The following ABCA9 variants were observed in gnomAD, a reference collection of about 807,000 sequenced individuals.
ABCA9 encodes ATP-binding cassette sub-family A member 9.
ABCA9 carries 183 observed loss-of-function variants against 205.3 expected under a neutral mutation model. The ratio of observed to expected loss-of-function variants is 0.89; its 90% CI spans 0.79 to 1.01. ABCA9 has a LOEUF of 1.01. Among genes scored for constraint, ABCA9 ranks in the 50% least tolerant of loss-of-function variants. The pLI, the probability that ABCA9 is intolerant of heterozygous loss-of-function variation, is 0.00. For synonymous variants in ABCA9, 651 were observed against 683.3 expected (o/e 0.95, Z 0.74); for missense variants, 1,805 against 1,912.4 (o/e 0.94, Z 1.05).
rs780236589 is a variant in ABCA9 at position 68,982,549 on chromosome 17, C to G, written c.4720+13G>C. The G allele has an allele frequency of 7.5e-6, 12 of 1,606,228 alleles. No homozygotes were observed. The highest frequency in any genetic ancestry group is 6.7e-5 in the Admixed American group (4 of 59,960). ...TGTTTCCCAGAGTTTTGTCTCTAAACAGTCACTCTTACCTATCTCTAATTT... is the reference window on the plus strand; with the variant it reads ...TGTTTCCCAGAGTTTTGTCTCTAAAGAGTCACTCTTACCTATCTCTAATTT... On this transcript the variant is annotated intron_variant, in intron 37 of 38. Coordinates refer to ENST00000340001, the MANE Select transcript of ABCA9 (RefSeq NM_080283.4).
chr17:69,045,392 A>T, intron 3 of ABCA9, 56 bp from the exon 4 acceptor site: 6 of 1,523,252 alleles, frequency 3.9e-6, no homozygotes, highest in Non-Finnish European at 5.3e-6. Flanking sequence ...CTACCTGGCC[A>T]TATTCAATTA....
chr17:68,984,981 T>C lies in ABCA9; in HGVS notation c.4285-2A>G, dbSNP rs531633502. The C allele has an allele frequency of 6.2e-7, 1 of 1,614,176 alleles. No individual in the cohort carries two copies. The highest frequency in any genetic ancestry group is 1.1e-5 in the South Asian group (1 of 91,086). ...CAGGATGCTCAGCACAAAGCACAGC[T>C]GCAACGGGAGGAACAGCCCCTCTGG... On this transcript the variant is annotated splice_acceptor_variant, in intron 33 of 38. Coordinates refer to ENST00000340001, the MANE Select transcript of ABCA9 (RefSeq NM_080283.4). LOFTEE classifies it high-confidence loss of function.
At chr17:68,999,354 C>T (rs551967729) in intron 25 of ABCA9, among the ~76,000 whole-genome samples, 1 of 137,496 alleles carries the variant, frequency 7.3e-6, no homozygotes, top group South Asian at 2.5e-4. Context: ...TCAATTCCCA[C>T]CTATGAGTGA....
chr17:68,982,425 C>G (rs1192368447), intron 37 of ABCA9, 137 bp downstream of exon 37: 5 of 686,832 alleles, frequency 7.3e-6, no homozygotes, highest in Non-Finnish European at 1.2e-5. Context: ...TGGAAAAACA[C>G]TGGATTAGCA....
chr17:69,018,401 C>T lies in ABCA9; in HGVS notation c.2767+12G>A, dbSNP rs773374866. On this transcript the variant is annotated intron_variant, in intron 20 of 38. Transcript: ENST00000340001. ...ACAACATTTAACAGCTGCATTTCAG[C>T]CCCATGTTCACCTGTCTTATTGATG... is the stretch of plus-strand genomic sequence containing the variant. 1 of 1,520,312 alleles carries T rather than the reference C, an allele frequency of 6.6e-7. No homozygotes were observed. Among genetic ancestry groups the T allele is most frequent in the Non-Finnish European group, 8.8e-7 (1 of 1,139,372 alleles). The allele number at this position is 1,520,312 out of a possible 1,614,324, so 94.2% of individuals were successfully genotyped here. A position where few individuals can be genotyped will look rare whatever the true frequency, so the allele number is the denominator to read the frequency against.
rs184244350 is a variant in ABCA9, at chr17:69,021,203, A to G, written c.2401+539T>C. 1.3e-3 allele frequency among the ~76,000 whole-genome samples: 200 copies of G among 152,226 alleles called. 1 individual carries two copies. Among genetic ancestry groups the G allele is most frequent in the Non-Finnish European group, 1.9e-4 (13 of 67,986 alleles). On this transcript the variant is annotated intron_variant, in intron 18 of 38. Transcript: ENST00000340001. ...TTAAAGAAAAATGCTTGATCAATCC[A>G]AAAAGACCCCCAGAAAATTGCAAAA...
intron 21 of ABCA9, 90 bp from the exon 22 acceptor site, chr17:69,016,480 GATAAT>G (rs938129899): frequency 1.3e-5 from 16 of 1,208,004 alleles, no homozygotes; most frequent in African/African-American, 6.3e-5. Context: ...TCAAGTTACT[GATAAT>G]ATAATAAGTC....
chr17:69,058,215 A>G (rs2072128912), intron 1 of ABCA9, among the ~76,000 whole-genome samples: 1 of 152,172 alleles, frequency 6.6e-6, no homozygotes, highest in African/African-American at 2.4e-5. Context: ...GTGTTTTCAC[A>G]TCAATGGTAT....
chr17:69,013,843 G>T (rs1227468508), intron 22 of ABCA9, among the ~76,000 whole-genome samples: 1 of 151,934 alleles, frequency 6.6e-6, no homozygotes, highest in Non-Finnish European at 1.5e-5. Context: ...TTTACTTTAG[G>T]ATCAAGTGGA....
the ABCA9 span, among the ~76,000 whole-genome samples, chr17:69,066,263 A>G: frequency 1.3e-5 from 2 of 152,186 alleles, no homozygotes; most frequent in South Asian, 4.1e-4. Context: ...AGGGTACAAA[A>G]TCATCACCGC....
chr17:68,984,274 G>A, intron 34 of ABCA9, 99 bp from the exon 35 acceptor site: 1 of 1,527,536 alleles, frequency 6.5e-7, no homozygotes, highest in South Asian at 1.3e-5. Context: ...GAAACATGCA[G>A]CGAATTCAGA....
chr17:69,033,948 A>G, intron 8 of ABCA9, 75 bp from the exon 9 acceptor site: 1 of 1,246,824 alleles, frequency 8.0e-7, no homozygotes, highest in South Asian at 1.4e-5. Context: ...TATTTCTGCT[A>G]CAACTGGGTT....
At chr17:69,035,157 G>T in intron 8 of ABCA9, 89 bp downstream of exon 8, 1 of 1,107,756 alleles carries the variant, frequency 9.0e-7, no homozygotes. Flanking sequence ...GTTATAGAAT[G>T]GAATGCTTAG....
intron 20 of ABCA9, 71 bp downstream of exon 20, chr17:69,018,342 G>C: frequency 7.6e-7 from 1 of 1,308,688 alleles, no homozygotes; most frequent in Non-Finnish European, 1.0e-6. Context: ...TTTCTTGGCT[G>C]TTCATGTTTT....
intron 6 of ABCA9, among the ~76,000 whole-genome samples, chr17:69,036,785 G>A (rs916708706): frequency 2.8e-5 from 4 of 142,194 alleles, no homozygotes; most frequent in South Asian, 2.3e-4. Flanking sequence ...TTTGTGTGCC[G>A]TATTCAAGAG....
At chr17:68,982,664 C>G in intron 36 of ABCA9, 23 bp from the exon 37 acceptor site, 1 of 1,598,264 alleles carries the variant, frequency 6.3e-7, no homozygotes, top group Non-Finnish European at 8.6e-7. Flanking sequence ...GACAGTGAGG[C>G]TGAACTCCAG....
At chr17:69,045,707 G>T (rs1243844308) in intron 3 of ABCA9, among the ~76,000 whole-genome samples, 5 of 152,086 alleles carry the variant, frequency 3.3e-5, no homozygotes, top group Admixed American at 3.3e-4. Context: ...ATAGCAGAAG[G>T]TACCTCTTTC....
intron 6 of ABCA9, among the ~76,000 whole-genome samples, chr17:69,036,545 A>C (rs1347008160): frequency 6.6e-6 from 1 of 152,170 alleles, no homozygotes; most frequent in Non-Finnish European, 1.5e-5. Flanking sequence ...AAATGTAGAA[A>C]GAAAAAACCA....
Position 69,049,470 on chromosome 17 carries a change from A to T in ABCA9, c.117T>A (p.Leu39=). 6.2e-7 allele frequency: 1 copy of T among 1,611,106 alleles called. No individual in the cohort carries two copies. Among genetic ancestry groups the T allele is most frequent in the East Asian group, 2.2e-5 (1 of 44,788 alleles). ...AAAATAGGTACAGAAACAGTACCAG[A>T]AGAAATGAAAAGAGCCATTCCTATA... ...QTLLEWLFSF[L]LVLFLYLFFS... The change falls in exon 3 of 39, where the codon CTT becomes CTA. Residue 39 remains leucine (L), a synonymous_variant. Coordinates refer to ENST00000340001, the MANE Select transcript of ABCA9 (RefSeq NM_080283.4).
Sources: allele counts gnomAD v4.1 joint callset (sites outside exome capture counted in the v4.1 genomes callset), GRCh38; gene constraint gnomAD v4.1.1; transcripts MANE v1.5; gene names NCBI Gene and HGNC (gene_info 2026-07-23, HGNC 2026-07-21).